Variants in C5orf47 observed in about 807,000 individuals in gnomAD.
C5orf47 encodes the protein uncharacterized protein C5orf47.
C5orf47 carries 20 observed loss-of-function variants against 20.6 expected under a neutral mutation model. The ratio of observed to expected loss-of-function variants is 0.97; its 90% CI spans 0.68 to 1.41. C5orf47 has a LOEUF of 1.41. Ranked by LOEUF, C5orf47 falls within the 40% of genes most tolerant of loss-of-function variation. The pLI, the probability that C5orf47 is intolerant of heterozygous loss-of-function variation, is 0.00. For synonymous variants in C5orf47, 106 were observed against 97.3 expected, an observed-to-expected ratio of 1.09 and a Z score of -0.53; for missense variants, 262 against 238.4, an observed-to-expected ratio of 1.10 and a Z score of -0.65.
intron 1 of C5orf47, among the ~76,000 whole-genome samples, chr5:173,996,900 T>C (rs546202862): frequency 1.2e-4 from 18 of 152,278 alleles, no homozygotes; most frequent in African/African-American, 4.3e-4. Context: ...GTAATCAGAA[T>C]ATTGAAAAAA....
At chr5:174,003,773 A>G (rs1759239235) in intron 4 of C5orf47, among the ~76,000 whole-genome samples, 1 of 152,182 alleles carries the variant, frequency 6.6e-6, no homozygotes, top group Non-Finnish European at 1.5e-5. Context: ...GGAGGGAGAC[A>G]TGAAATTCGC....
chr5:173,999,323 A>C (rs796121595), intron 2 of C5orf47, among the ~76,000 whole-genome samples: 10 of 152,308 alleles, frequency 6.6e-5, no homozygotes, highest in African/African-American at 2.2e-4. Flanking sequence ...ATGTTTAAAA[A>C]ATCAAATCAT....
intron 1 of C5orf47, among the ~76,000 whole-genome samples, chr5:173,994,950 A>G (rs1442725119): frequency 6.6e-6 from 1 of 152,076 alleles, no homozygotes; most frequent in Non-Finnish European, 1.5e-5. Context: ...AGTAGCTGGG[A>G]CCACAGGCGT....
At chr5:173,993,310 A>C (rs2113360389) in intron 1 of C5orf47, among the ~76,000 whole-genome samples, 1 of 152,250 alleles carries the variant, frequency 6.6e-6, no homozygotes, top group Middle Eastern at 3.4e-3. Context: ...TATTGTCTTA[A>C]GCTACCCAGA....
At position 173,989,608 on chromosome 5, in the gene C5orf47, CG is replaced by C; in HGVS notation, c.325+23del. 1 of 1,122,872 alleles carries C rather than the reference CG, an allele frequency of 8.9e-7. No individual in the cohort carries two copies. Among genetic ancestry groups the C allele is most frequent in the East Asian group, 4.4e-5 (1 of 22,964 alleles). The allele number at this position is 1,122,872 out of a possible 1,614,324, so 69.6% of individuals were successfully genotyped here. On this transcript the variant is annotated intron_variant, in intron 1 of 4. Transcript: ENST00000340147. ...GTGCAGGTGGTGCAGCGGGGCAGGG[CG>C]GGACCGGGCGCGGCGGGGCGGGACG...
Position 173,989,338 on chromosome 5 carries a change from G to T in C5orf47, c.75G>T (p.Gln25His). 1 of 1,493,662 alleles carries T rather than the reference G, an allele frequency of 6.7e-7. No individual in the cohort carries two copies. Among genetic ancestry groups the T allele is most frequent in the Non-Finnish European group, 8.9e-7 (1 of 1,117,504 alleles). 92.5% of individuals were successfully genotyped at this position (1,493,662 alleles called of 1,614,324 possible). ...FVYVTRFGSH[Q>H]CSGVLQLGGR... ...ATGTGACGCGCTTCGGCTCGCATCA[G>T]TGCAGTGGCGTCCTGCAACTGGGCG... Residue 25 changes from glutamine (Q) to histidine (H), a missense_variant, in exon 1 of 5, where the codon CAG becomes CAT. Physicochemically the swap from Gln to His is conservative, Grantham distance 24 (BLOSUM62 0). Transcript: ENST00000340147.
At chr5:173,990,207 G>T (rs1218863575) in intron 1 of C5orf47, among the ~76,000 whole-genome samples, 1 of 146,208 alleles carries the variant, frequency 6.8e-6, no homozygotes, top group African/African-American at 2.6e-5. Context: ...GCTCACTGCA[G>T]CCTTGACCGC....
At chr5:173,998,519 T>A (rs565842699) in intron 2 of C5orf47, among the ~76,000 whole-genome samples, 37 of 152,308 alleles carry the variant, frequency 2.4e-4, no homozygotes, top group Admixed American at 5.9e-4. Flanking sequence ...GCATGATATA[T>A]GTTCCACAGA....
intron 1 of C5orf47, among the ~76,000 whole-genome samples, chr5:173,997,698 TTGCC>T (rs1380818619): frequency 6.6e-5 from 10 of 151,564 alleles, no homozygotes; most frequent in Non-Finnish European, 1.3e-4. Context: ...AGGTAGAAAT[TTGCC>T]TGGGAGGGTG....
intron 1 of C5orf47, among the ~76,000 whole-genome samples, chr5:173,991,316 A>G (rs1758993205): frequency 6.6e-6 from 1 of 152,028 alleles, no homozygotes; most frequent in African/African-American, 2.4e-5. Flanking sequence ...TATTTTGTCT[A>G]ATTGCATTTG....
chr5:173,998,248 T>C lies in C5orf47; in HGVS notation c.411+10T>C. 1 of 1,407,746 alleles carries C rather than the reference T, an allele frequency of 7.1e-7. No homozygotes were observed. The highest frequency in any genetic ancestry group is 9.7e-7 in the Non-Finnish European group (1 of 1,026,840). 87.2% of individuals were successfully genotyped at this position (1,407,746 alleles called of 1,614,324 possible). On this transcript the variant is annotated intron_variant, in intron 2 of 4. Coordinates refer to ENST00000340147, the MANE Select transcript of C5orf47 (RefSeq NM_001144954.2). ...GAAGAAAAAGAAAAAGGTATATTGC[T>C]GTAAAGGAGAATGAGCAATATTTGA...
chr5:173,991,039 C>G (rs755562525), intron 1 of C5orf47, among the ~76,000 whole-genome samples: 5 of 152,170 alleles, frequency 3.3e-5, no homozygotes, highest in African/African-American at 1.2e-4. Context: ...CCCTCCTTTA[C>G]GCATAAGCCC....
At chr5:173,995,089 A>G (rs963583158) in intron 1 of C5orf47, among the ~76,000 whole-genome samples, 6 of 152,220 alleles carry the variant, frequency 3.9e-5, no homozygotes, top group Non-Finnish European at 1.5e-5. Flanking sequence ...CTGGGATTAC[A>G]GGCGTGAACC....
chr5:174,002,676 T>C (rs1244975255), intron 4 of C5orf47, among the ~76,000 whole-genome samples: 2 of 152,168 alleles, frequency 1.3e-5, no homozygotes, highest in African/African-American at 2.4e-5. Flanking sequence ...ACTACAGTTA[T>C]CAAAGTCAGG....
downstream of C5orf47, among the ~76,000 whole-genome samples, chr5:174,006,486 A>C (rs1305623223): frequency 1.3e-5 from 2 of 152,204 alleles, no homozygotes; most frequent in East Asian, 1.9e-4. Context: ...CATGAGAAAA[A>C]AAACAAACAG....
In C5orf47 at chr5:173,989,563, C is replaced by A; in HGVS notation, c.300C>A (p.Ser100Arg). 2 of 1,480,612 alleles carry A rather than the reference C, an allele frequency of 1.4e-6. No homozygotes were observed. The highest frequency in any genetic ancestry group is 9.0e-7 in the Non-Finnish European group (1 of 1,114,512). 91.7% of individuals were successfully genotyped at this position (1,480,612 alleles called of 1,614,324 possible). ...SSQLRASRVQ[S>R]GTRQSARAGL... ...AGCTGCGGGCATCGAGAGTTCAGAGCGGCACCAGACAGTCGGCGCGTGCAG... is the reference window on the plus strand; with the variant it reads ...AGCTGCGGGCATCGAGAGTTCAGAGAGGCACCAGACAGTCGGCGCGTGCAG... The change falls in exon 1 of 5, where the codon AGC (serine) becomes AGA (arginine). Residue 100 changes from serine (S) to arginine (R), a missense_variant. Coordinates refer to ENST00000340147, the MANE Select transcript of C5orf47 (RefSeq NM_001144954.2).
chr5:174,009,096 T>TG (rs1270280330), downstream of C5orf47, among the ~76,000 whole-genome samples: 1 of 152,016 alleles, frequency 6.6e-6, no homozygotes, highest in Non-Finnish European at 1.5e-5. Flanking sequence ...ATCATCCACT[T>TG]CGGTTGCACT....
intron 1 of C5orf47, among the ~76,000 whole-genome samples, chr5:173,997,251 G>A (rs1759114817): frequency 6.6e-6 from 1 of 152,152 alleles, no homozygotes; most frequent in South Asian, 2.1e-4. Context: ...TAGAGTGGTG[G>A]TAGGGCAGGA....
chr5:174,009,266 C>A (rs530264309), downstream of C5orf47, among the ~76,000 whole-genome samples: 1 of 152,136 alleles, frequency 6.6e-6, no homozygotes, highest in Non-Finnish European at 1.5e-5. Context: ...ATTAAGAAAA[C>A]GGAATGATGG....
Sources: allele counts gnomAD v4.1 joint callset (sites outside exome capture counted in the v4.1 genomes callset), GRCh38; gene constraint gnomAD v4.1.1; transcripts MANE v1.5; gene names NCBI Gene and HGNC (gene_info 2026-07-23, HGNC 2026-07-21).